The following LDLRAD4 variants were observed in gnomAD, a reference collection of about 807,000 sequenced individuals.
LDLRAD4 encodes low-density lipoprotein receptor class A domain-containing protein 4.
Under a neutral mutation model 17.0 loss-of-function variants are expected in LDLRAD4, and 5 were observed. That is an observed-to-expected ratio of 0.29 (90% CI 0.15 to 0.62). The LOEUF is 0.62. Among genes scored for constraint, LDLRAD4 ranks in the 20% least tolerant of loss-of-function variants. LDLRAD4 has a pLI of 0.84. For missense variants in LDLRAD4, 340 were observed against 424.7 expected (o/e 0.80, Z 1.75); for synonymous variants, 168 against 171.8 (o/e 0.98, Z 0.17).
intron 3 of LDLRAD4, among the ~76,000 whole-genome samples, chr18:13,553,524 A>G (rs1469273638): frequency 6.6e-6 from 1 of 152,226 alleles, no homozygotes; most frequent in African/African-American, 2.4e-5. Flanking sequence ...TAAGATAATT[A>G]TTTGCGTGAT....
chr18:13,544,056 G>A (rs1025176283), intron 3 of LDLRAD4, among the ~76,000 whole-genome samples: 9 of 152,286 alleles, frequency 5.9e-5, no homozygotes, highest in Admixed American at 2.0e-4. Context: ...GTGAGGCACC[G>A]TGAAGCTGAG....
intron 1 of LDLRAD4, among the ~76,000 whole-genome samples, chr18:13,335,975 A>G (rs2082082125): frequency 6.6e-6 from 1 of 152,222 alleles, no homozygotes; most frequent in Non-Finnish European, 1.5e-5. Context: ...TACAGGCTGT[A>G]CAAGAAGCAT....
At chr18:13,508,140 G>C (rs547496895) in intron 3 of LDLRAD4, among the ~76,000 whole-genome samples, 21 of 152,354 alleles carry the variant, frequency 1.4e-4, no homozygotes, top group African/African-American at 4.8e-4. Flanking sequence ...TTAAGACAAA[G>C]CCTAATCCAG....
intron 3 of LDLRAD4, among the ~76,000 whole-genome samples, chr18:13,502,351 GC>G (rs1345088262): frequency 1.3e-5 from 2 of 152,142 alleles, no homozygotes; most frequent in Non-Finnish European, 2.9e-5. Context: ...CTTTTGTGAT[GC>G]CTCTTTTCTA....
rs762056793 is a variant in LDLRAD4, at chr18:13,448,642, T to TG, written c.181+10264dup. On this transcript the variant is annotated intron_variant, in intron 3 of 5. Coordinates refer to ENST00000359446, the Ensembl canonical transcript of LDLRAD4. ...GGAGATATTGAGGTAAAGATGAGAT[T>TG]GGGGGGCGGAGGCTGGGGGACCACC... is the stretch of plus-strand genomic sequence containing the variant. Among the ~76,000 whole-genome samples, 4 of 148,180 alleles carry TG rather than the reference T, an allele frequency of 2.7e-5. No homozygotes were observed. In the East Asian group the frequency reaches 7.9e-4, roughly 29 times the overall value.
chr18:13,253,875 C>T (rs2043358209), intron 1 of LDLRAD4, among the ~76,000 whole-genome samples: 1 of 152,150 alleles, frequency 6.6e-6, no homozygotes, highest in Non-Finnish European at 1.5e-5. Context: ...AGGATGGTGG[C>T]GCCTCCCTCG....
intron 1 of LDLRAD4, among the ~76,000 whole-genome samples, chr18:13,322,639 A>G (rs908505587): frequency 6.7e-6 from 1 of 149,306 alleles, no homozygotes; most frequent in African/African-American, 2.5e-5. Context: ...TTTTTTTGAG[A>G]CGGAGTATCG....
At chr18:13,475,676 A>G (rs2092922077) in intron 3 of LDLRAD4, among the ~76,000 whole-genome samples, 1 of 152,180 alleles carries the variant, frequency 6.6e-6, no homozygotes, top group South Asian at 2.1e-4. Context: ...GTGAACAGCC[A>G]ACAAGACCTG....
intron 1 of LDLRAD4, among the ~76,000 whole-genome samples, chr18:13,358,317 T>C (rs1008810143): frequency 2.0e-5 from 3 of 152,106 alleles, no homozygotes; most frequent in Non-Finnish European, 4.4e-5. Context: ...GATATAGATA[T>C]CTAGATTATA....
chr18:13,409,626 C>G (rs1415341016), intron 2 of LDLRAD4, among the ~76,000 whole-genome samples: 6 of 152,220 alleles, frequency 3.9e-5, no homozygotes, highest in Non-Finnish European at 1.5e-5. Flanking sequence ...TGAACATTCT[C>G]TAAACTAATT....
intron 2 of LDLRAD4, among the ~76,000 whole-genome samples, chr18:13,436,452 C>G (rs2090662803): frequency 6.6e-6 from 1 of 152,200 alleles, no homozygotes; most frequent in Admixed American, 6.5e-5. Flanking sequence ...TGGATCCTTT[C>G]AAACCACAGC....
intron 3 of LDLRAD4, among the ~76,000 whole-genome samples, chr18:13,564,711 T>C (rs2094578917): frequency 6.8e-6 from 1 of 148,016 alleles, no homozygotes; most frequent in Non-Finnish European, 1.5e-5. Context: ...CCCCCCTTCC[T>C]CCTGGCGGGG....
chr18:13,573,920 C>T (rs9961632), intron 3 of LDLRAD4, among the ~76,000 whole-genome samples: 1,930 of 152,280 alleles, frequency 0.013, 37 homozygotes, highest in African/African-American at 0.043. Context: ...TTCCCATCTC[C>T]GCATTTCCTG....
intron 1 of LDLRAD4, among the ~76,000 whole-genome samples, chr18:13,268,415 G>C (rs1192193887): frequency 6.6e-6 from 1 of 152,206 alleles, no homozygotes; most frequent in Non-Finnish European, 1.5e-5. Flanking sequence ...GCAGAGGAAG[G>C]GAGATCTCTT....
intron 4 of LDLRAD4, among the ~76,000 whole-genome samples, chr18:13,635,931 C>CTG (rs60695092): frequency 0.026 from 3,777 of 147,384 alleles, 57 homozygotes; most frequent in Non-Finnish European, 0.03. Context: ...GACAGCTATG[C>CTG]TGTGTGTGTG....
At position 13,390,441 on chromosome 18, in the gene LDLRAD4, C is replaced by T. The variant is rs1420325082; in HGVS notation, c.40+2679C>T. ...CACGCTGTGTGGCCTTGGGTACACA[C>T]GGGTTCCCTGGGGAGCTTCCCTACC... is the stretch of plus-strand genomic sequence containing the variant. On this transcript the variant is annotated intron_variant, in intron 2 of 5. Coordinates refer to ENST00000359446, the Ensembl canonical transcript of LDLRAD4. 3.3e-5 allele frequency among the ~76,000 whole-genome samples: 5 copies of T among 152,220 alleles called. No homozygotes were observed. The South Asian group carries it at 8.3e-4, about 25-fold the overall frequency.
intron 1 of LDLRAD4, among the ~76,000 whole-genome samples, chr18:13,331,662 C>T (rs1293029504): frequency 6.6e-6 from 1 of 152,084 alleles, no homozygotes; most frequent in African/African-American, 2.4e-5. Flanking sequence ...AAATAAACTG[C>T]ACTTGATTAT....
chr18:13,646,250 T>C (rs543316118), exon 6 of LDLRAD4: 23 of 152,792 alleles, frequency 1.5e-4, no homozygotes, highest in Non-Finnish European at 2.5e-4. Flanking sequence ...ACTATCTTAA[T>C]GTTGAAAATA....
intron 2 of LDLRAD4, among the ~76,000 whole-genome samples, chr18:13,418,554 T>G (rs2089150812): frequency 6.6e-6 from 1 of 152,256 alleles, no homozygotes; most frequent in African/African-American, 2.4e-5. Flanking sequence ...CAGGCCCTGT[T>G]GCTGTAGACA....
Sources: allele counts gnomAD v4.1 joint callset (sites outside exome capture counted in the v4.1 genomes callset), GRCh38; gene constraint gnomAD v4.1.1; transcripts MANE v1.5; gene names NCBI Gene and HGNC (gene_info 2026-07-23, HGNC 2026-07-21).